SYTL3: variants seen among roughly 807,000 people sequenced by gnomAD.
SYTL3 encodes synaptotagmin-like protein 3.
In SYTL3, 88 loss-of-function variants were observed where a neutral mutation model predicts 82.1. The observed-to-expected ratio is 1.07, with a 90% CI of 0.90 to 1.28. The LOEUF (loss-of-function observed/expected upper bound fraction) is 1.28. SYTL3 is among the 50% of genes most tolerant of loss of function. SYTL3 has a pLI of 0.00. For synonymous variants in SYTL3, 311 were observed against 289.4 expected (o/e 1.07, Z -0.76); for missense variants, 831 against 757.6 (o/e 1.10, Z -1.14).
At chr6:158,710,693 T>G (rs895791842) in intron 8 of SYTL3, among the ~76,000 whole-genome samples, 1 of 152,212 alleles carries the variant, frequency 6.6e-6, no homozygotes, top group Non-Finnish European at 1.5e-5. Flanking sequence ...TTCTTGTATT[T>G]TTTTTGCCTG....
At position 158,757,359 on chromosome 6, in the gene SYTL3, G is replaced by T; in HGVS notation, c.1286G>T (p.Arg429Leu). The change falls in exon 14 of 18, where the codon CGC becomes CTC. Residue 429 changes from arginine to leucine, a missense_variant. Physicochemically the swap from Arg to Leu is moderately radical, Grantham distance 102. Coordinates refer to ENST00000611299, the MANE Select transcript of SYTL3 (RefSeq NM_001242394.2). ...DFEDSTTQSF[R>L]WHPLRAKAEK... ...GAAGACAGCACAACACAGTCCTTCCGCTGGCATCCGCTCCGGGCCAAGGTG... is the reference window on the plus strand; with the variant it reads ...GAAGACAGCACAACACAGTCCTTCCTCTGGCATCCGCTCCGGGCCAAGGTG... 6.2e-7 allele frequency: 1 copy of T among 1,614,018 alleles called. No homozygotes were observed. The highest frequency in any genetic ancestry group is 8.5e-7 in the Non-Finnish European group (1 of 1,179,990).
At chr6:158,748,083 T>C (rs927408326) in intron 12 of SYTL3, among the ~76,000 whole-genome samples, 4 of 128,016 alleles carry the variant, frequency 3.1e-5, no homozygotes, top group Admixed American at 1.4e-4. Context: ...GTTTTTTTTT[T>C]TTTTTCCCCA....
chr6:158,674,505 A>G (rs978546390), intron 5 of SYTL3, among the ~76,000 whole-genome samples: 7 of 152,258 alleles, frequency 4.6e-5, no homozygotes, highest in African/African-American at 1.7e-4. Flanking sequence ...ATTTTATCGG[A>G]AGCTCTTGGT....
chr6:158,741,555 A>G (rs1425471255), intron 11 of SYTL3, among the ~76,000 whole-genome samples: 2 of 152,206 alleles, frequency 1.3e-5, no homozygotes, highest in Non-Finnish European at 2.9e-5. Flanking sequence ...GTGGTGGATC[A>G]GACTGACAGC....
intron 17 of SYTL3, among the ~76,000 whole-genome samples, chr6:158,764,180 G>A (rs536775585): frequency 2.6e-5 from 4 of 152,360 alleles, no homozygotes; most frequent in African/African-American, 9.6e-5. Context: ...CACCCAGCTA[G>A]CCATGCTGGT....
chr6:158,700,157 G>A (rs1424021530), intron 6 of SYTL3, among the ~76,000 whole-genome samples: 1 of 152,114 alleles, frequency 6.6e-6, no homozygotes, highest in Admixed American at 6.5e-5. Flanking sequence ...TTGGGAGGCT[G>A]AGGCAGGAGA....
chr6:158,742,085 A>G (rs533947717), intron 11 of SYTL3, among the ~76,000 whole-genome samples: 1 of 152,298 alleles, frequency 6.6e-6, no homozygotes, highest in African/African-American at 2.4e-5. Context: ...TCCATTTTGA[A>G]CTCGAATAAG....
chr6:158,717,387 G>A (rs1332358225), intron 9 of SYTL3, among the ~76,000 whole-genome samples: 8 of 151,566 alleles, frequency 5.3e-5, no homozygotes, highest in East Asian at 1.9e-4. Context: ...TCTCTCTGCC[G>A]GACAGCACAG....
At chr6:158,731,971 C>T (rs1785470934) in intron 11 of SYTL3, among the ~76,000 whole-genome samples, 1 of 152,142 alleles carries the variant, frequency 6.6e-6, no homozygotes, top group African/African-American at 2.4e-5. Context: ...TTTACATAAC[C>T]AAAAACAGCT....
chr6:158,713,357 T>C (rs1268202312), intron 8 of SYTL3, among the ~76,000 whole-genome samples: 1 of 152,142 alleles, frequency 6.6e-6, no homozygotes, highest in Non-Finnish European at 1.5e-5. Flanking sequence ...CCTGGTCACC[T>C]TGTGGCTTTT....
intron 6 of SYTL3, among the ~76,000 whole-genome samples, chr6:158,703,488 T>C (rs1384642417): frequency 6.6e-6 from 1 of 152,180 alleles, no homozygotes; most frequent in African/African-American, 2.4e-5. Flanking sequence ...GAGGTCAAAA[T>C]TCAGGGCTCT....
chr6:158,753,696 C>T (rs561097079), intron 13 of SYTL3, among the ~76,000 whole-genome samples: 8 of 147,958 alleles, frequency 5.4e-5, no homozygotes, highest in African/African-American at 2.0e-4. Flanking sequence ...CGCCACTACA[C>T]TCCAGCCTGG....
chr6:158,738,607 C>T (rs1786509389), intron 11 of SYTL3, among the ~76,000 whole-genome samples: 1 of 152,140 alleles, frequency 6.6e-6, no homozygotes, highest in Admixed American at 6.6e-5. Flanking sequence ...TTCACTAAAC[C>T]TTCCATTCCC....
At chr6:158,715,599 TCACA>T (rs72372107) in intron 9 of SYTL3, among the ~76,000 whole-genome samples, 4 of 116,518 alleles carry the variant, frequency 3.4e-5, no homozygotes, top group Admixed American at 8.7e-5. Flanking sequence ...TGAAACCGCA[TCACA>T]CACACACACA....
At chr6:158,744,375 C>A (rs1188289877) in intron 11 of SYTL3, among the ~76,000 whole-genome samples, 4 of 136,768 alleles carry the variant, frequency 2.9e-5, no homozygotes, top group Admixed American at 1.9e-4. Flanking sequence ...GGGGCACTTT[C>A]CACTCACTGC....
In SYTL3 at chr6:158,712,759, CTTTTTTTTTTT is replaced by C. The variant is rs56677894; in HGVS notation, c.517-1034_517-1024del. Among the ~76,000 whole-genome samples, 449 of 127,640 alleles carry C rather than the reference CTTTTTTTTTTT, an allele frequency of 3.5e-3. 1 individual carries two copies. Among genetic ancestry groups the C allele is most frequent in the African/African-American group, 0.01 (364 of 34,804 alleles). 83.7% of individuals were successfully genotyped at this position (127,640 alleles called of 152,430 possible). A position where few individuals can be genotyped will look rare whatever the true frequency, so the allele number is the denominator to read the frequency against. On this transcript the variant is annotated intron_variant, in intron 8 of 17. Transcript: ENST00000611299. The stretch of plus-strand genomic sequence containing the variant: ...TACATTCTTTTTCTTTTCTTTCTTT[CTTTTTTTTTTT>C]TTTTTTGAGACAGAGTCTCGCTCTA...
chr6:158,663,923 G>T (rs1302518681), intron 4 of SYTL3, among the ~76,000 whole-genome samples: 1 of 152,152 alleles, frequency 6.6e-6, no homozygotes, highest in African/African-American at 2.4e-5. Context: ...TTTCCTGACC[G>T]CTTTGCCAAC....
At chr6:158,743,286 A>G (rs750664775) in intron 11 of SYTL3, among the ~76,000 whole-genome samples, 1 of 152,160 alleles carries the variant, frequency 6.6e-6, no homozygotes, top group Admixed American at 6.6e-5. Flanking sequence ...GCTTACTTCC[A>G]TGTGCTTCTC....
intron 12 of SYTL3, among the ~76,000 whole-genome samples, chr6:158,749,352 C>T (rs1341766974): frequency 1.3e-4 from 17 of 127,706 alleles, no homozygotes; most frequent in Middle Eastern, 4.6e-3. Flanking sequence ...GATTGTGCCA[C>T]TGTACTCCAG....
Sources: allele counts gnomAD v4.1 joint callset (sites outside exome capture counted in the v4.1 genomes callset), GRCh38; gene constraint gnomAD v4.1.1; transcripts MANE v1.5; gene names NCBI Gene and HGNC (gene_info 2026-07-23, HGNC 2026-07-21).